Variants in ATRX observed in about 807,000 individuals in gnomAD.
ATRX encodes chromatin remodeler ATRX.
Under a neutral mutation model 172.6 loss-of-function variants are expected in ATRX, and 12 were observed. The observed-to-expected ratio is 0.07, with a 90% CI of 0.04 to 0.11. The LOEUF (loss-of-function observed/expected upper bound fraction) is 0.11, where lower values mean the gene tolerates loss of function less well. Ranked by LOEUF, ATRX falls within the 10% of genes least tolerant of loss-of-function variation. ATRX has a pLI of 1.00. For synonymous variants in ATRX, 674 were observed against 594.7 expected, an observed-to-expected ratio of 1.13 and a Z score of -1.94; for missense variants, 1,368 against 1,767.4, an observed-to-expected ratio of 0.77 and a Z score of 4.05.
At chrX:77,603,069 C>T (rs1833080152) in intron 22 of ATRX, among the ~76,000 whole-genome samples, 1 of 110,577 alleles carries the variant, frequency 9.0e-6, no homozygotes. Context: ...ACCAATGCCT[C>T]AGAAATAAAG....
chrX:77,557,729 T>C (rs2064855303), intron 29 of ATRX, 84 bp from the exon 30 acceptor site: 4 of 844,842 alleles, frequency 4.7e-6, no homozygotes, highest in Non-Finnish European at 6.7e-6. Flanking sequence ...GGTTACTGGT[T>C]AATATGAAAT....
intron 19 of ATRX, among the ~76,000 whole-genome samples, chrX:77,629,649 G>A (rs782458540): frequency 9.0e-6 from 1 of 111,518 alleles, no homozygotes; most frequent in Admixed American, 9.5e-5. Flanking sequence ...GGTAATCTAG[G>A]TATTTATTTT....
rs190203329 is a variant in ATRX at position 77,658,212 on chromosome X, A to T, written c.4121-1559T>A. 1.8e-3 allele frequency among the ~76,000 whole-genome samples: 206 copies of T among 111,738 alleles called. 2 individuals carry two copies. Among genetic ancestry groups the T allele is most frequent in the African/African-American group, 6.0e-3 (186 of 30,827 alleles). ...GGCAACAGAGCGAGGTCTTCTCTCA[A>T]AAAAAAAGACATACTGACATCATCT... On this transcript the variant is annotated intron_variant, in intron 12 of 34. Transcript: ENST00000373344.
chrX:77,524,025 T>C (rs1189863676), intron 30 of ATRX, among the ~76,000 whole-genome samples: 1 of 111,141 alleles, frequency 9.0e-6, no homozygotes, highest in Non-Finnish European at 1.9e-5. Context: ...TTTAAAGAAA[T>C]CATGGTATCT....
intron 27 of ATRX, among the ~76,000 whole-genome samples, chrX:77,587,133 T>C (rs1054481569): frequency 9.0e-6 from 1 of 111,178 alleles, no homozygotes; most frequent in African/African-American, 3.3e-5. Flanking sequence ...TGACAGAATA[T>C]TATACAGCCA....
chrX:77,749,312 CCA>C (rs1385058344), intron 1 of ATRX, among the ~76,000 whole-genome samples: 1 of 110,642 alleles, frequency 9.0e-6, no homozygotes, highest in East Asian at 2.8e-4. Flanking sequence ...TAGTATTATT[CCA>C]CAGTGTGTAT....
At chrX:77,747,032 C>A (rs1245281222) in intron 1 of ATRX, among the ~76,000 whole-genome samples, 2 of 110,292 alleles carry the variant, frequency 1.8e-5, no homozygotes, top group African/African-American at 6.6e-5. Context: ...ATCTCCTAAC[C>A]TCGTGATCCA....
At position 77,505,095 on chromosome X, in the gene ATRX, A is replaced by G. The variant is rs2062684623; in HGVS notation, c.*3256T>C. 5.9e-6 allele frequency: 1 copy of G among 170,522 alleles called. No homozygotes were observed. The highest frequency in any genetic ancestry group is 1.1e-5 in the Non-Finnish European group (1 of 88,422). The allele number at this position is 170,522 out of a possible 1,213,427, so 14.1% of individuals were successfully genotyped here. On this transcript the variant is annotated 3_prime_UTR_variant, in exon 35 of 35. Transcript: ENST00000373344. ...ACTGAGTCTGGTGAAATAAAGTAGTAAATACCCTGAACATAATTTTTAGTA... is the reference window on the plus strand; with the variant it reads ...ACTGAGTCTGGTGAAATAAAGTAGTGAATACCCTGAACATAATTTTTAGTA...
intron 19 of ATRX, among the ~76,000 whole-genome samples, chrX:77,629,154 T>A (rs2068001066): frequency 8.9e-6 from 1 of 112,518 alleles, no homozygotes; most frequent in African/African-American, 3.2e-5. Context: ...TGACATTTTG[T>A]TTCCATCTTG....
At chrX:77,754,173 G>GT (rs1244218376) in intron 1 of ATRX, among the ~76,000 whole-genome samples, 2 of 104,980 alleles carry the variant, frequency 1.9e-5, no homozygotes, top group African/African-American at 7.0e-5. Flanking sequence ...TTTTTTTTTT[G>GT]TTTTTTCCAT....
At chrX:77,512,212 A>G (rs2062893511) in intron 34 of ATRX, among the ~76,000 whole-genome samples, 1 of 112,069 alleles carries the variant, frequency 8.9e-6, no homozygotes, top group African/African-American at 3.2e-5. Context: ...ACAAACAAAC[A>G]AAAAACTTTT....
chrX:77,751,812 G>T (rs2075312668), intron 1 of ATRX, among the ~76,000 whole-genome samples: 1 of 111,938 alleles, frequency 8.9e-6, no homozygotes, highest in Non-Finnish European at 1.9e-5. Flanking sequence ...ATTTGTTGAA[G>T]ATCAGATGGT....
chrX:77,601,393 A>T (rs1194184020), intron 22 of ATRX, among the ~76,000 whole-genome samples: 1 of 107,721 alleles, frequency 9.3e-6, no homozygotes, highest in African/African-American at 3.4e-5. Context: ...TGGGAGAATC[A>T]CTTGAGCCCA....
At position 77,671,147 on chromosome X, in the gene ATRX, CAAAAA is replaced by C. The variant is rs34939100; in HGVS notation, c.3809+5074_3809+5078del. Among the ~76,000 whole-genome samples, 31 of 15,283 alleles carry C rather than the reference CAAAAA, an allele frequency of 2.0e-3. 1 individual carries two copies. Among genetic ancestry groups the C allele is most frequent in the South Asian group, 0.013 (1 of 79 alleles). The allele number at this position is 15,283 out of a possible 115,157, so 13.3% of individuals were successfully genotyped here. On this transcript the variant is annotated intron_variant, in intron 10 of 34. Coordinates refer to ENST00000373344, the MANE Select transcript of ATRX (RefSeq NM_000489.6). ...TGGGTGACAGAGTGAGACTCTGTCT[CAAAAA>C]AAAAAAAAAAAAAAAATATATATAT...
intron 2 of ATRX, among the ~76,000 whole-genome samples, chrX:77,701,790 G>A (rs1373543965): frequency 2.7e-5 from 3 of 112,094 alleles, no homozygotes; most frequent in African/African-American, 9.7e-5. Context: ...AGAGGGCCAG[G>A]CGCGGTGGCT....
At chrX:77,516,670 G>A (rs781974565) in intron 34 of ATRX, among the ~76,000 whole-genome samples, 23 of 111,387 alleles carry the variant, frequency 2.1e-4, no homozygotes, top group African/African-American at 7.5e-4. Flanking sequence ...TTACACATTG[G>A]ACAGATCATC....
chrX:77,757,609 T>C (rs2075551804), intron 1 of ATRX, among the ~76,000 whole-genome samples: 1 of 111,277 alleles, frequency 9.0e-6, no homozygotes, highest in South Asian at 3.8e-4. Flanking sequence ...AGCAATAACA[T>C]AGTTTGGCTG....
At chrX:77,664,101 CAAA>C (rs782623295) in intron 11 of ATRX, among the ~76,000 whole-genome samples, 2 of 64,199 alleles carry the variant, frequency 3.1e-5, no homozygotes, top group Admixed American at 1.8e-4. Context: ...AACTCTGTCT[CAAA>C]AAAAAAAAAA....
intron 27 of ATRX, among the ~76,000 whole-genome samples, chrX:77,577,855 C>A (rs1557071407): frequency 9.0e-6 from 1 of 111,608 alleles, no homozygotes; most frequent in African/African-American, 3.3e-5. Flanking sequence ...TTATGACTAT[C>A]TACACAAAAA....
Sources: gnomAD v4.1 joint callset for allele counts (sites outside exome capture counted in the v4.1 genomes callset) on GRCh38, gnomAD v4.1.1 for gene constraint, MANE v1.5 for transcripts, NCBI Gene and HGNC (gene_info 2026-07-23, HGNC 2026-07-21) for gene names.